Variants in FGR observed in about 807,000 individuals in gnomAD.
FGR encodes tyrosine-protein kinase Fgr.
In FGR, 26 loss-of-function variants were observed where a neutral mutation model predicts 63.2. That is an observed-to-expected ratio of 0.41 (90% CI 0.30 to 0.57). The LOEUF (loss-of-function observed/expected upper bound fraction) is 0.57, where lower values mean the gene tolerates loss of function less well. Among genes scored for constraint, FGR ranks in the 20% least tolerant of loss-of-function variants. The pLI, the probability that FGR is intolerant of heterozygous loss-of-function variation, is 0.27. For missense variants in FGR, 511 were observed against 690.8 expected (o/e 0.74, Z 2.92); for synonymous variants, 286 against 277.7 (o/e 1.03, Z -0.30).
chr1:27,626,130 A>T (rs967715686), intron 1 of FGR: 2 of 398,556 alleles, frequency 5.0e-6, no homozygotes, highest in East Asian at 7.1e-5. Flanking sequence ...GAAGCCCCAC[A>T]ATGAGCCAAC....
chr1:27,615,047 C>A lies in FGR; in HGVS notation c.1019-121G>T, dbSNP rs897655283. On this transcript the variant is annotated intron_variant, in intron 9 of 12. Transcript: ENST00000374005. The surrounding 1 kb of genome is among the most constrained non-coding windows in gnomAD (Gnocchi z 7.6). Reference sequence around the variant, plus strand: ...GACCCGCCCCTCACTTAGGACCCCGCGGGTGCCTCAACCCCTCACTTGTCT... The same window carrying A: ...GACCCGCCCCTCACTTAGGACCCCGAGGGTGCCTCAACCCCTCACTTGTCT... The A allele has an allele frequency of 6.5e-6, 5 of 766,638 alleles. No individual in the cohort carries two copies. The highest frequency in any genetic ancestry group is 5.2e-5 in the African/African-American group (3 of 57,872). 47.5% of individuals were successfully genotyped at this position (766,638 alleles called of 1,614,324 possible). A position where few individuals can be genotyped will look rare whatever the true frequency, so the allele number is the denominator to read the frequency against.
intron 1 of FGR, among the ~76,000 whole-genome samples, chr1:27,627,097 T>C (rs59900531): frequency 0.083 from 12,676 of 151,972 alleles, 1,382 homozygotes; most frequent in African/African-American, 0.25. Context: ...TGCTTAAGCC[T>C]GGGAGTTCGA....
rs984856393 is a variant in FGR, at chr1:27,623,260, C to G, written c.227-116G>C. 6.7e-6 allele frequency: 5 copies of G among 742,720 alleles called. No individual in the cohort carries two copies. In the Admixed American group the frequency reaches 6.8e-5, roughly 10 times the overall value. The allele number at this position is 742,720 out of a possible 1,614,324, so 46.0% of individuals were successfully genotyped here. On this transcript the variant is annotated intron_variant, in intron 3 of 12. Coordinates refer to ENST00000374005, the MANE Select transcript of FGR (RefSeq NM_005248.3). ...TGCACCTCCCCACTCCTTTAGTGCTCTGGTTCCCAAAGGCCTTTGGGGTCC... is the reference window on the plus strand; with the variant it reads ...TGCACCTCCCCACTCCTTTAGTGCTGTGGTTCCCAAAGGCCTTTGGGGTCC...
intron 1 of FGR, among the ~76,000 whole-genome samples, chr1:27,634,575 C>T (rs2090152010): frequency 2.0e-5 from 3 of 152,144 alleles, no homozygotes; most frequent in African/African-American, 7.2e-5. Flanking sequence ...AGAAGTCGTT[C>T]TCCTCAACCC....
intron 1 of FGR, among the ~76,000 whole-genome samples, chr1:27,630,755 A>G (rs2090094641): frequency 6.6e-6 from 1 of 152,110 alleles, no homozygotes; most frequent in African/African-American, 2.4e-5. Flanking sequence ...CTGTTTATAA[A>G]TATGTCTCTT....
At chr1:27,632,084 C>A (rs555911960) in intron 1 of FGR, among the ~76,000 whole-genome samples, 3 of 151,976 alleles carry the variant, frequency 2.0e-5, no homozygotes, top group Admixed American at 6.6e-5. Flanking sequence ...TGCTGAGGCC[C>A]CCACTGCTCA....
chr1:27,625,711 T>A (rs1328671907), intron 1 of FGR, among the ~76,000 whole-genome samples: 1 of 151,910 alleles, frequency 6.6e-6, no homozygotes, highest in Non-Finnish European at 1.5e-5. Context: ...GAGACCGAGG[T>A]GAGTGGATCA....
At chr1:27,629,406 G>C (rs879358843) in intron 1 of FGR, among the ~76,000 whole-genome samples, 3 of 151,938 alleles carry the variant, frequency 2.0e-5, no homozygotes, top group Non-Finnish European at 4.4e-5. Flanking sequence ...AAGAAACAGA[G>C]ACAAAGAGAC....
chr1:27,624,262 A>T (rs2089982175), intron 2 of FGR, among the ~76,000 whole-genome samples: 2 of 152,098 alleles, frequency 1.3e-5, no homozygotes, highest in African/African-American at 4.8e-5. Flanking sequence ...TTGAGACAAG[A>T]TCTCACTCTG....
Position 27,615,070 on chromosome 1 carries a change from T to C in FGR, c.1019-144A>G. The C allele has an allele frequency of 1.5e-6, 1 of 681,154 alleles. No homozygotes were observed. Among genetic ancestry groups the C allele is most frequent in the Non-Finnish European group, 2.6e-6 (1 of 378,550 alleles). The allele number at this position is 681,154 out of a possible 1,614,324, so 42.2% of individuals were successfully genotyped here. A position where few individuals can be genotyped will look rare whatever the true frequency, so the allele number is the denominator to read the frequency against. On this transcript the variant is annotated intron_variant, in intron 9 of 12. Coordinates refer to ENST00000374005, the MANE Select transcript of FGR (RefSeq NM_005248.3). The surrounding 1 kb of genome is among the most constrained non-coding windows in gnomAD (Gnocchi z 7.6). ...CGCGGGTGCCTCAACCCCTCACTTG[T>C]CTCGTCCTGGCCCTGCTGCCAGACA...
At chr1:27,618,244 C>T (rs536319817) in intron 5 of FGR, among the ~76,000 whole-genome samples, 4 of 152,236 alleles carry the variant, frequency 2.6e-5, no homozygotes, top group Middle Eastern at 3.4e-3. Context: ...GACACATTGT[C>T]AAGTTTTTTC....
intron 1 of FGR, among the ~76,000 whole-genome samples, chr1:27,631,901 C>G (rs1227178964): frequency 2.6e-5 from 4 of 151,978 alleles, no homozygotes; most frequent in African/African-American, 7.2e-5. Flanking sequence ...CTGGGCTGGC[C>G]GGGGGCAGGC....
chr1:27,634,339 C>A (rs1342456910), intron 1 of FGR, among the ~76,000 whole-genome samples: 1 of 152,278 alleles, frequency 6.6e-6, no homozygotes, highest in South Asian at 2.1e-4. Flanking sequence ...CCTGTCCCTG[C>A]CGAGGGCGGG....
intron 3 of FGR, 162 bp from the exon 4 acceptor site, chr1:27,623,306 T>C (rs759402802): frequency 6.4e-5 from 40 of 622,112 alleles, no homozygotes; most frequent in Non-Finnish European, 1.1e-4. Context: ...TGATTTGGTC[T>C]CCACAGCTTA....
intron 11 of FGR, among the ~76,000 whole-genome samples, chr1:27,614,103 T>G (rs1365035130): frequency 6.6e-6 from 1 of 152,220 alleles, no homozygotes; most frequent in Non-Finnish European, 1.5e-5. Context: ...ATTCCCACTG[T>G]TACACGCCAT....
At position 27,616,993 on chromosome 1, in the gene FGR, C is replaced by T; in HGVS notation, c.546G>A (p.Leu182=). 6.2e-7 allele frequency: 1 copy of T among 1,614,184 alleles called. No individual in the cohort carries two copies. The highest frequency in any genetic ancestry group is 8.5e-7 in the Non-Finnish European group (1 of 1,180,022). The change falls in exon 7 of 13, where the codon CTG becomes CTA. Residue 182 remains leucine (L), a synonymous_variant. Coordinates refer to ENST00000374005, the MANE Select transcript of FGR (RefSeq NM_005248.3). This position sits in a 1 kb window ranked among gnomAD's most constrained non-coding sequence, Gnocchi z 4.3. ...TGGTCTGATCCCAGTCCCGGATGGA[C>T]AGGGAGTAGGCACCTGTGGAGAGGA... ...ESETTKGAYS[L]SIRDWDQTRG... is the part of the protein sequence containing the mutation.
chr1:27,618,677 T>A (rs2089861644), intron 5 of FGR, among the ~76,000 whole-genome samples: 1 of 152,182 alleles, frequency 6.6e-6, no homozygotes, highest in African/African-American at 2.4e-5. Context: ...GAACCTCGCC[T>A]ACCCGCTCCT....
intron 4 of FGR, 60 bp from the exon 5 acceptor site, chr1:27,621,717 C>T (rs2089930767): frequency 1.7e-6 from 2 of 1,188,744 alleles, no homozygotes; most frequent in Non-Finnish European, 2.5e-6. Context: ...CACCCTGAGG[C>T]CAGGTGGAGC....
Position 27,612,699 on chromosome 1 carries a change from C to T in FGR, c.*215G>A. The T allele has an allele frequency of 1.8e-6, 1 of 558,536 alleles. No homozygotes were observed. The highest frequency in any genetic ancestry group is 3.2e-6 in the Non-Finnish European group (1 of 311,894). 34.6% of individuals were successfully genotyped at this position (558,536 alleles called of 1,614,324 possible). On this transcript the variant is annotated 3_prime_UTR_variant, in exon 13 of 13. Transcript: ENST00000374005. ...CTAAGTGGAAAAGGAAGAAATAGTG[C>T]TTGGGGCCAGAGCGGATGAGAGATC...
Sources: gnomAD v4.1 joint callset for allele counts (sites outside exome capture counted in the v4.1 genomes callset) on GRCh38, gnomAD v4.1.1 for gene constraint, Gnocchi (gnomAD v3.1) non-coding constraint, MANE v1.5 for transcripts, NCBI Gene and HGNC (gene_info 2026-07-23, HGNC 2026-07-21) for gene names.